The following KIF11 variants were observed in gnomAD, a reference collection of about 807,000 sequenced individuals.
The protein encoded by KIF11 is kinesin-like protein KIF11.
Under a neutral mutation model 121.0 loss-of-function variants are expected in KIF11, and 9 were observed. That is an observed-to-expected ratio of 0.07 (90% CI 0.04 to 0.13). The LOEUF is 0.13. KIF11 is among the 10% of genes least tolerant of loss of function. KIF11 has a pLI of 1.00. For missense variants in KIF11, 846 were observed against 1,217.5 expected, an observed-to-expected ratio of 0.69 and a Z score of 4.54; for synonymous variants, 408 against 421.0, an observed-to-expected ratio of 0.97 and a Z score of 0.38.
chr10:92,607,383 T>G, intron 4 of KIF11, 146 bp downstream of exon 4: 1 of 569,696 alleles, frequency 1.8e-6, no homozygotes, highest in Non-Finnish European at 3.1e-6. Context: ...ACAGTAAAAT[T>G]AAAGTGCATG....
At chr10:92,648,489 A>AT in intron 19 of KIF11, 55 bp downstream of exon 19, 1 of 1,112,940 alleles carries the variant, frequency 9.0e-7, no homozygotes. Context: ...ATTCAACTCT[A>AT]TGTAGTGTCA....
At position 92,609,110 on chromosome 10, in the gene KIF11, C is replaced by T; in HGVS notation, c.478C>T (p.Leu160=). Reference sequence around the variant, plus strand: ...TACTGAATTTTCAGTCAAAGTGTCTCTGTTGGAGATCTATAATGAAGAGCT... The same window carrying T: ...TACTGAATTTTCAGTCAAAGTGTCTTTGTTGGAGATCTATAATGAAGAGCT... The part of the protein sequence containing the change: ...NGTEFSVKVS[L]LEIYNEELFD... Residue 160 remains leucine, a synonymous_variant, in exon 5 of 22, where the codon CTG becomes TTG. Coordinates refer to ENST00000260731, the MANE Select transcript of KIF11 (RefSeq NM_004523.4). The T allele has an allele frequency of 6.2e-7, 1 of 1,607,060 alleles. No homozygotes were observed. The highest frequency in any genetic ancestry group is 8.5e-7 in the Non-Finnish European group (1 of 1,176,004).
intron 13 of KIF11, among the ~76,000 whole-genome samples, 186 bp downstream of exon 13, chr10:92,632,879 C>T (rs902828566): frequency 2.6e-5 from 4 of 152,098 alleles, no homozygotes; most frequent in Non-Finnish European, 4.4e-5. Flanking sequence ...TTTCCCTCCC[C>T]ACCCTCCCTT....
intron 18 of KIF11, among the ~76,000 whole-genome samples, chr10:92,646,452 C>T (rs1044562067): frequency 6.6e-6 from 1 of 151,978 alleles, no homozygotes; most frequent in Non-Finnish European, 1.5e-5. Context: ...GAAGTAGGTA[C>T]AAAGAATTAA....
At chr10:92,622,261 T>C (rs11187104) in intron 10 of KIF11, among the ~76,000 whole-genome samples, 22,663 of 142,288 alleles carry the variant, frequency 0.16, 3,598 homozygotes, top group African/African-American at 0.41. Context: ...GCAACAAGAG[T>C]GAAACTCTGT....
intron 6 of KIF11, 37 bp downstream of exon 6, chr10:92,609,546 C>G: frequency 6.4e-7 from 1 of 1,565,408 alleles, no homozygotes; most frequent in Non-Finnish European, 8.6e-7. Context: ...GCCCCATTTT[C>G]TTTTAAGAAG....
At position 92,593,345 on chromosome 10, in the gene KIF11, G is replaced by T; in HGVS notation, c.-31G>T. 1 of 1,589,830 alleles carries T rather than the reference G, an allele frequency of 6.3e-7. No homozygotes were observed. The stretch of plus-strand genomic sequence containing the variant: ...GCCCCTCACAGCGCCCAGGTCCGCG[G>T]CCGGGCCTTGATTTTTTGGCGGGGA... On this transcript the variant is annotated 5_prime_UTR_variant, in exon 1 of 22. Coordinates refer to ENST00000260731, the MANE Select transcript of KIF11 (RefSeq NM_004523.4).
rs188926543 is a variant in KIF11, at chr10:92,625,029, C to T, written c.1217+3556C>T. On this transcript the variant is annotated intron_variant, in intron 10 of 21. Transcript: ENST00000260731. Reference sequence around the variant, plus strand: ...AAGTGATCTGCCCACCTCGGCCTCCCAAAGTGCTGGATTACAGGTGTGAGC... The same window carrying T: ...AAGTGATCTGCCCACCTCGGCCTCCTAAAGTGCTGGATTACAGGTGTGAGC... 4.0e-4 allele frequency among the ~76,000 whole-genome samples: 61 copies of T among 152,198 alleles called. 2 individuals carry two copies. In the East Asian group the frequency reaches 0.01, roughly 26 times the overall value.
At position 92,651,507 on chromosome 10, in the gene KIF11, G is replaced by GTTTTTTTTTTT. The variant is rs1175303233; in HGVS notation, c.3039+1021_3039+1031dup. 5.7e-4 allele frequency among the ~76,000 whole-genome samples: 30 copies of GTTTTTTTTTTT among 52,970 alleles called. 5 individuals are homozygous for GTTTTTTTTTTT. Among genetic ancestry groups the GTTTTTTTTTTT allele is most frequent in the Non-Finnish European group, 1.0e-3 (24 of 23,898 alleles). 34.8% of individuals were successfully genotyped at this position (52,970 alleles called of 152,430 possible). ...TGTGCCACCATGCCTGGCTAATTTTGTTTTTTTTTTTTTTTTTTTTTTTTT... is the reference window on the plus strand; with the variant it reads ...TGTGCCACCATGCCTGGCTAATTTTGTTTTTTTTTTTTTTTTTTTTTTTTTTTTTTTTTTTT... On this transcript the variant is annotated intron_variant, in intron 21 of 21. Transcript: ENST00000260731.
intron 12 of KIF11, among the ~76,000 whole-genome samples, chr10:92,631,338 ATGTTGAAAGT>A (rs953586868): frequency 2.7e-5 from 4 of 149,384 alleles, no homozygotes; most frequent in Admixed American, 6.7e-5. Flanking sequence ...ATGATGAAAG[ATGTTGAAAGT>A]ATTTAATTTT....
At chr10:92,598,858 A>G (rs1263181556) in intron 1 of KIF11, among the ~76,000 whole-genome samples, 1 of 151,362 alleles carries the variant, frequency 6.6e-6, no homozygotes, top group Non-Finnish European at 1.5e-5. Flanking sequence ...GCTCATTGCA[A>G]CCTCCACCTC....
chr10:92,603,268 T>TTTC (rs1564703231), intron 1 of KIF11, among the ~76,000 whole-genome samples: 1 of 142,562 alleles, frequency 7.0e-6, no homozygotes, highest in Non-Finnish European at 1.5e-5. Context: ...CTTTTCTTTT[T>TTTC]TTTTTTTTTT....
At chr10:92,603,972 T>C (rs915930760) in intron 1 of KIF11, among the ~76,000 whole-genome samples, 2 of 152,190 alleles carry the variant, frequency 1.3e-5, no homozygotes, top group African/African-American at 4.8e-5. Context: ...ACATAGTAAG[T>C]ACTTGATGAA....
Position 92,649,909 on chromosome 10 carries a change from G to T in KIF11, c.2845G>T (p.Asp949Tyr). The change falls in exon 20 of 22, where the codon GAT becomes TAT. Residue 949 changes from aspartate to tyrosine, a missense_variant. By Grantham distance (160) the Asp-to-Tyr change is radical (BLOSUM62 -3). This residue lies in a region of KIF11 where 492 missense variants were observed against 603.4 expected (regional missense o/e 0.82). Coordinates refer to ENST00000260731, the MANE Select transcript of KIF11 (RefSeq NM_004523.4). The part of the protein sequence containing the change: ...VRTEPREHLL[D>Y]QLKRKQPELL... ...AACTGAACCACGTGAACATCTCCTT[G>T]ATCAGCTGAAAAGGAAACAGCCTGA... 6.2e-7 allele frequency: 1 copy of T among 1,612,828 alleles called. No homozygotes were observed. The highest frequency in any genetic ancestry group is 8.5e-7 in the Non-Finnish European group (1 of 1,178,954).
At position 92,611,714 on chromosome 10, in the gene KIF11, C is replaced by T. The variant is rs893689301; in HGVS notation, c.699-1326C>T. On this transcript the variant is annotated intron_variant, in intron 6 of 21. Coordinates refer to ENST00000260731, the MANE Select transcript of KIF11 (RefSeq NM_004523.4). ...CGGAGTTCAAGACCAGCCTGGCCAA[C>T]GTGGTGAAACCCCGTCTCTACTAAA... Among the ~76,000 whole-genome samples, 161 of 152,122 alleles carry T rather than the reference C, an allele frequency of 1.1e-3. 1 individual carries two copies. The highest frequency in any genetic ancestry group is 3.8e-3 in the African/African-American group (158 of 41,522).
chr10:92,631,084 G>A (rs570713006), intron 12 of KIF11, among the ~76,000 whole-genome samples: 13 of 149,862 alleles, frequency 8.7e-5, no homozygotes, highest in Admixed American at 1.3e-4. Context: ...TTAGGAGTTC[G>A]AGACCAGCCT....
intron 17 of KIF11, among the ~76,000 whole-genome samples, chr10:92,643,302 T>C (rs1267169483): frequency 1.3e-5 from 2 of 152,204 alleles, no homozygotes; most frequent in Non-Finnish European, 2.9e-5. Context: ...TTTAGTAGTA[T>C]GTCTAGGATT....
chr10:92,635,507 CAG>C (rs1356774564), intron 14 of KIF11, among the ~76,000 whole-genome samples: 1 of 152,142 alleles, frequency 6.6e-6, no homozygotes, highest in East Asian at 1.9e-4. Flanking sequence ...GTGGGACAAT[CAG>C]AACACAACGT....
intron 1 of KIF11, among the ~76,000 whole-genome samples, chr10:92,594,772 G>A (rs1261784287): frequency 6.6e-6 from 1 of 151,936 alleles, no homozygotes; most frequent in Non-Finnish European, 1.5e-5. Context: ...TTTATGATCC[G>A]TATACATTTC....
Sources: allele counts gnomAD v4.1 joint callset (sites outside exome capture counted in the v4.1 genomes callset), GRCh38; gene constraint gnomAD v4.1.1; regional missense constraint gnomAD v4.1.1; transcripts MANE v1.5; gene names NCBI Gene and HGNC (gene_info 2026-07-23, HGNC 2026-07-21).